CADPS2: variants seen among roughly 807,000 people sequenced by gnomAD.
CADPS2 encodes the protein calcium dependent secretion activator 2, also known as calcium-dependent secretion activator 2.
Under a neutral mutation model 172.5 loss-of-function variants are expected in CADPS2, and 93 were observed. That is an observed-to-expected ratio of 0.54 (90% CI 0.46 to 0.64). The LOEUF (loss-of-function observed/expected upper bound fraction) is 0.64. Among genes scored for constraint, CADPS2 ranks in the 30% least tolerant of loss-of-function variants. The pLI is 0.00. For missense variants in CADPS2, 1,420 were observed against 1,565.9 expected, an observed-to-expected ratio of 0.91 and a Z score of 1.57; for synonymous variants, 546 against 555.2, an observed-to-expected ratio of 0.98 and a Z score of 0.23.
intron 1 of CADPS2, among the ~76,000 whole-genome samples, chr7:122,835,034 C>T (rs1185550333): frequency 1.3e-5 from 2 of 152,180 alleles, no homozygotes; most frequent in Non-Finnish European, 2.9e-5. Context: ...AGGCACCCCC[C>T]AGGAGGGACA....
At chr7:122,471,103 T>C (rs1270858378) in intron 14 of CADPS2, among the ~76,000 whole-genome samples, 3 of 152,158 alleles carry the variant, frequency 2.0e-5, no homozygotes, top group Admixed American at 1.3e-4. Flanking sequence ...TACGAGGTGG[T>C]ATGTAAGAAC....
chr7:122,505,772 C>T (rs1041801543), intron 9 of CADPS2, among the ~76,000 whole-genome samples: 2 of 152,192 alleles, frequency 1.3e-5, no homozygotes, highest in African/African-American at 4.8e-5. Flanking sequence ...ATCTTTTGGG[C>T]TCACTGATTC....
chr7:122,622,962 A>G (rs1163614142), intron 4 of CADPS2, among the ~76,000 whole-genome samples: 1 of 152,220 alleles, frequency 6.6e-6, no homozygotes, highest in Admixed American at 6.5e-5. Flanking sequence ...TTCACAGATC[A>G]GTCCCAGAGT....
chr7:122,656,029 A>C (rs1431914636), intron 3 of CADPS2, among the ~76,000 whole-genome samples: 6 of 152,188 alleles, frequency 3.9e-5, no homozygotes, highest in Admixed American at 2.6e-4. Context: ...AAAATCTAGA[A>C]AGATGGGCAA....
chr7:122,541,034 A>C (rs994232599), intron 8 of CADPS2, among the ~76,000 whole-genome samples: 1 of 152,080 alleles, frequency 6.6e-6, no homozygotes, highest in African/African-American at 2.4e-5. Flanking sequence ...AAAATGTCTA[A>C]AATTACTGTA....
At chr7:122,390,612 G>A (rs879577465) in intron 22 of CADPS2, among the ~76,000 whole-genome samples, 4 of 152,004 alleles carry the variant, frequency 2.6e-5, no homozygotes, top group East Asian at 1.9e-4. Flanking sequence ...TAGAGAATAT[G>A]GTTACATTTT....
intron 1 of CADPS2, among the ~76,000 whole-genome samples, chr7:122,823,763 A>T (rs1376296909): frequency 6.6e-6 from 1 of 152,184 alleles, no homozygotes; most frequent in Non-Finnish European, 1.5e-5. Flanking sequence ...GAATAGACCT[A>T]ACTCCGAAAC....
At chr7:122,625,882 G>A (rs190543881) in intron 4 of CADPS2, among the ~76,000 whole-genome samples, 4 of 151,704 alleles carry the variant, frequency 2.6e-5, no homozygotes, top group African/African-American at 9.7e-5. Context: ...CCTAGATATT[G>A]GTCTAGATAT....
Position 122,850,772 on chromosome 7 carries a change from T to C in CADPS2, c.339+35227A>G, listed in dbSNP as rs1174294128. Among the ~76,000 whole-genome samples the C allele has an allele frequency of 1.2e-4, 19 of 152,210 alleles. No homozygotes were observed. The East Asian group carries it at 3.1e-3, about 25-fold the overall frequency. On this transcript the variant is annotated intron_variant, in intron 1 of 29. Coordinates refer to ENST00000449022, the MANE Select transcript of CADPS2 (RefSeq NM_017954.11). ...CCTTATTATCAAGTGTCTTCCATCA[T>C]GGATTCATTACACCTTGATCAAAAT...
intron 8 of CADPS2, among the ~76,000 whole-genome samples, chr7:122,548,744 T>C (rs2063885930): frequency 1.3e-5 from 2 of 152,240 alleles, no homozygotes; most frequent in Non-Finnish European, 2.9e-5. Context: ...AATCTCCAGA[T>C]GCTCTTTATT....
rs1807017396 is a variant in CADPS2 at position 122,832,861 on chromosome 7, TGA to T, written c.339+53136_339+53137del. On this transcript the variant is annotated intron_variant, in intron 1 of 29. Coordinates refer to ENST00000449022, the MANE Select transcript of CADPS2 (RefSeq NM_017954.11). ...AATGAAGCAATTTTTATACTGAGAA[TGA>T]GAGACTGCTGGCTTTTTTTTAAAAA... Among the ~76,000 whole-genome samples, 9 of 152,324 alleles carry T rather than the reference TGA, an allele frequency of 5.9e-5. No homozygotes were observed. In the South Asian group the frequency reaches 1.9e-3, roughly 32 times the overall value.
At chr7:122,668,691 T>C (rs955301012) in intron 2 of CADPS2, among the ~76,000 whole-genome samples, 5 of 151,842 alleles carry the variant, frequency 3.3e-5, no homozygotes, top group African/African-American at 1.2e-4. Context: ...GAGAGAGAAA[T>C]AGAGAATTAT....
chr7:122,878,246 G>GA (rs1419615985), intron 1 of CADPS2, among the ~76,000 whole-genome samples: 4 of 94,368 alleles, frequency 4.2e-5, no homozygotes, highest in Non-Finnish European at 7.6e-5. Context: ...GCGACAGAGC[G>GA]AAACTCCGTC....
At chr7:122,845,502 C>G (rs1328910129) in intron 1 of CADPS2, among the ~76,000 whole-genome samples, 3 of 152,190 alleles carry the variant, frequency 2.0e-5, no homozygotes, top group Non-Finnish European at 4.4e-5. Flanking sequence ...TAATTTTAAA[C>G]TCTTGCCAAC....
chr7:122,682,884 T>C (rs2135856313), intron 2 of CADPS2, among the ~76,000 whole-genome samples: 1 of 152,306 alleles, frequency 6.6e-6, no homozygotes, highest in East Asian at 1.9e-4. Flanking sequence ...CAGTGGCCTG[T>C]TTCACTCAGC....
intron 1 of CADPS2, among the ~76,000 whole-genome samples, chr7:122,849,188 A>T (rs1812831048): frequency 6.6e-6 from 1 of 152,242 alleles, no homozygotes; most frequent in Admixed American, 6.5e-5. Context: ...TATTTTTCAT[A>T]AACACAAACC....
At chr7:122,658,133 GA>G in intron 3 of CADPS2, among the ~76,000 whole-genome samples, 1 of 152,286 alleles carries the variant, frequency 6.6e-6, no homozygotes, top group South Asian at 2.1e-4. Flanking sequence ...ACAGACATAT[GA>G]AAAAATGCTC....
intron 25 of CADPS2, among the ~76,000 whole-genome samples, chr7:122,367,884 G>C (rs1439436905): frequency 6.6e-6 from 1 of 151,804 alleles, no homozygotes; most frequent in Admixed American, 6.6e-5. Flanking sequence ...CACTTTTCTA[G>C]CTTCTTGCCT....
At chr7:122,361,224 CTTTTTTT>C (rs376434122) in intron 25 of CADPS2, among the ~76,000 whole-genome samples, 1 of 103,432 alleles carries the variant, frequency 9.7e-6, no homozygotes, top group Admixed American at 1.0e-4. Context: ...AAATAATACA[CTTTTTTT>C]TTTTTTTTTT....
Sources: gnomAD v4.1 joint callset for allele counts (sites outside exome capture counted in the v4.1 genomes callset) on GRCh38, gnomAD v4.1.1 for gene constraint, MANE v1.5 for transcripts, NCBI Gene and HGNC (gene_info 2026-07-23, HGNC 2026-07-21) for gene names.